The following AK8 variants were observed in gnomAD, a reference collection of about 807,000 sequenced individuals.
The protein encoded by AK8 is ATP-AMP transphosphorylase 8.
A neutral mutation model predicts 54.6 loss-of-function variants in AK8; 44 were observed. The ratio of observed to expected loss-of-function variants is 0.81; its 90% confidence interval spans 0.63 to 1.04. AK8 has a LOEUF of 1.04. Ranked by LOEUF, AK8 falls within the 50% of genes least tolerant of loss-of-function variation. The pLI is 0.00. For synonymous variants in AK8, 239 were observed against 245.6 expected, an observed-to-expected ratio of 0.97 and a Z score of 0.25; for missense variants, 555 against 613.6, an observed-to-expected ratio of 0.90 and a Z score of 1.01.
At position 132,740,420 on chromosome 9, in the gene AK8, C is replaced by T. The variant is rs553784481; in HGVS notation, c.1122-12886G>A. ...ACCCAGGACTGTCTGCTCCCAAGTT[C>T]GTGCCCATAACCACATGGGGGTACC... On this transcript the variant is annotated intron_variant, in intron 11 of 12. Transcript: ENST00000298545. Among the ~76,000 whole-genome samples the T allele has an allele frequency of 7.4e-4, 113 of 152,306 alleles. 1 individual carries two copies. The highest frequency in any genetic ancestry group is 1.4e-3 in the Non-Finnish European group (96 of 68,028).
intron 11 of AK8, among the ~76,000 whole-genome samples, chr9:132,763,214 A>G (rs948052239): frequency 6.6e-6 from 1 of 152,228 alleles, no homozygotes; most frequent in African/African-American, 2.4e-5. Context: ...TTTGGGGGAA[A>G]GTCACAACAA....
chr9:132,876,226 C>G (rs537946857), intron 1 of AK8, among the ~76,000 whole-genome samples: 1 of 152,310 alleles, frequency 6.6e-6, no homozygotes, highest in African/African-American at 2.4e-5. Flanking sequence ...AGTAGCACAG[C>G]TGGAGTGAAT....
intron 11 of AK8, among the ~76,000 whole-genome samples, chr9:132,788,779 T>G (rs2772008): frequency 0.87 from 132,753 of 152,144 alleles, 58,203 homozygotes; most frequent in African/African-American, 0.96. Flanking sequence ...AGTTACTGCC[T>G]GAGTTTTAAA....
At chr9:132,813,725 C>T (rs1014750964) in intron 10 of AK8, among the ~76,000 whole-genome samples, 1 of 152,158 alleles carries the variant, frequency 6.6e-6, no homozygotes, top group Admixed American at 6.5e-5. Context: ...CCTTCGTGGA[C>T]TCAGGAAGCC....
At chr9:132,861,281 G>C (rs979794388) in intron 4 of AK8, 1 of 152,202 alleles carries the variant, frequency 6.6e-6, no homozygotes, top group East Asian at 1.9e-4. Context: ...GGCTCCAGGG[G>C]GTCCCTAAAT....
intron 11 of AK8, among the ~76,000 whole-genome samples, chr9:132,786,856 C>G (rs1379099437): frequency 1.3e-5 from 2 of 152,014 alleles, no homozygotes; most frequent in African/African-American, 2.4e-5. Flanking sequence ...AGCCTATCTC[C>G]CCATCCTCCT....
At chr9:132,838,089 G>A (rs1842398476) in intron 5 of AK8, among the ~76,000 whole-genome samples, 1 of 152,182 alleles carries the variant, frequency 6.6e-6, no homozygotes, top group South Asian at 2.1e-4. Flanking sequence ...GATGAAAGTG[G>A]TGTAATTAAT....
intron 5 of AK8, among the ~76,000 whole-genome samples, chr9:132,847,145 C>T (rs75609076): frequency 2.0e-3 from 308 of 152,300 alleles, no homozygotes; most frequent in Admixed American, 7.0e-3. Flanking sequence ...ACCAGGAGAG[C>T]GGGCCGGGGG....
chr9:132,832,914 A>G (rs562243306), intron 5 of AK8, among the ~76,000 whole-genome samples: 17 of 152,292 alleles, frequency 1.1e-4, no homozygotes, highest in African/African-American at 3.6e-4. Flanking sequence ...GCCCTAGGCC[A>G]CCAGCTCTCC....
chr9:132,779,337 G>A (rs747013288), intron 11 of AK8, among the ~76,000 whole-genome samples: 28 of 152,092 alleles, frequency 1.8e-4, no homozygotes, highest in Non-Finnish European at 3.7e-4. Context: ...ATTCATTTTC[G>A]GAGAGACAAG....
intron 5 of AK8, among the ~76,000 whole-genome samples, chr9:132,840,315 G>A (rs945856374): frequency 5.9e-5 from 9 of 152,012 alleles, no homozygotes; most frequent in East Asian, 5.8e-4. Flanking sequence ...AGCATCTCAC[G>A]TGCTTGGCTT....
intron 10 of AK8, among the ~76,000 whole-genome samples, chr9:132,805,103 C>T (rs1209910742): frequency 6.6e-6 from 1 of 152,212 alleles, no homozygotes; most frequent in Non-Finnish European, 1.5e-5. Flanking sequence ...AGGCCCGGGG[C>T]CTCCAGGGTC....
intron 9 of AK8, among the ~76,000 whole-genome samples, chr9:132,815,480 G>A (rs1200668363): frequency 3.3e-5 from 5 of 152,126 alleles, no homozygotes; most frequent in Non-Finnish European, 7.4e-5. Context: ...TTGAACCTGG[G>A]AGGTGGAGGT....
At chr9:132,862,171 C>A (rs969953109) in intron 4 of AK8, among the ~76,000 whole-genome samples, 1 of 152,152 alleles carries the variant, frequency 6.6e-6, no homozygotes, top group African/African-American at 2.4e-5. Flanking sequence ...AAGCTGAAGC[C>A]ACACAGTCCA....
At chr9:132,864,986 C>T (rs1466561617) in intron 3 of AK8, among the ~76,000 whole-genome samples, 3 of 152,186 alleles carry the variant, frequency 2.0e-5, no homozygotes, top group Non-Finnish European at 4.4e-5. Flanking sequence ...TCAGAATTAC[C>T]TGGGGAGTGT....
chr9:132,814,141 T>A (rs1407743329), intron 10 of AK8, among the ~76,000 whole-genome samples: 3 of 151,714 alleles, frequency 2.0e-5, no homozygotes, highest in African/African-American at 7.3e-5. Flanking sequence ...TAGCCAGGCA[T>A]GGTGGCATGC....
chr9:132,810,901 C>T (rs773296976), intron 10 of AK8, among the ~76,000 whole-genome samples: 13 of 152,020 alleles, frequency 8.6e-5, no homozygotes, highest in South Asian at 2.1e-4. Context: ...AATGGAAAAA[C>T]GTAAACAACC....
chr9:132,806,414 T>G lies in AK8; in HGVS notation c.979+8224A>C, dbSNP rs145220795. On this transcript the variant is annotated intron_variant, in intron 10 of 12. Transcript: ENST00000298545. ...TACCCCTGTGAGTCTATTAATCAAC[T>G]TGTAAATTATTTAGAGAGTCATGCG... 1.0e-3 allele frequency among the ~76,000 whole-genome samples: 153 copies of G among 152,208 alleles called. 1 individual carries two copies. Among genetic ancestry groups the G allele is most frequent in the African/African-American group, 3.3e-3 (137 of 41,496 alleles).
chr9:132,804,063 G>A (rs931587584), intron 10 of AK8, among the ~76,000 whole-genome samples: 10 of 142,672 alleles, frequency 7.0e-5, no homozygotes, highest in African/African-American at 1.3e-4. Context: ...CCGAGATCGC[G>A]CCACTGCGAT....
Sources: allele counts gnomAD v4.1 joint callset (sites outside exome capture counted in the v4.1 genomes callset), GRCh38; gene constraint gnomAD v4.1.1; transcripts MANE v1.5; gene names NCBI Gene and HGNC (gene_info 2026-07-23, HGNC 2026-07-21).